GUCY2F: variants seen among roughly 807,000 people sequenced by gnomAD.
GUCY2F encodes the protein guanylate cyclase 2F, retinal.
A neutral mutation model predicts 73.1 loss-of-function variants in GUCY2F; 61 were observed. The observed-to-expected ratio is 0.83, with a 90% CI of 0.68 to 1.03. The LOEUF is 1.03. Ranked by LOEUF, GUCY2F falls within the 50% of genes least tolerant of loss-of-function variation. GUCY2F has a pLI of 0.00. For missense variants in GUCY2F, 912 were observed against 854.3 expected, an observed-to-expected ratio of 1.07 and a Z score of -0.84; for synonymous variants, 331 against 307.8, an observed-to-expected ratio of 1.08 and a Z score of -0.79.
At chrX:109,408,614 G>A (rs1163191980) in intron 9 of GUCY2F, among the ~76,000 whole-genome samples, 1 of 112,274 alleles carries the variant, frequency 8.9e-6, no homozygotes, top group East Asian at 2.8e-4. Context: ...GGACCCGGGG[G>A]AGGTAATTGA....
At chrX:109,378,187 G>A (rs767918517) in intron 17 of GUCY2F, among the ~76,000 whole-genome samples, 57 of 111,585 alleles carry the variant, frequency 5.1e-4, no homozygotes, top group Non-Finnish European at 2.8e-4. Context: ...AATCTGGAAT[G>A]TAGGTTAATT....
chrX:109,435,286 A>G (rs1335425584), intron 7 of GUCY2F, among the ~76,000 whole-genome samples: 1 of 108,158 alleles, frequency 9.2e-6, no homozygotes, highest in Non-Finnish European at 1.9e-5. Context: ...ATTTGTTTGT[A>G]TCCTCTTTTA....
At chrX:109,477,604 C>T (rs1035297502) in intron 1 of GUCY2F, among the ~76,000 whole-genome samples, 6 of 112,049 alleles carry the variant, frequency 5.4e-5, no homozygotes, top group Non-Finnish European at 1.1e-4. Context: ...ACCCTGAGAC[C>T]CCACAACACT....
At chrX:109,410,246 C>G (rs1369010360) in intron 8 of GUCY2F, among the ~76,000 whole-genome samples, 1 of 112,234 alleles carries the variant, frequency 8.9e-6, no homozygotes, top group Non-Finnish European at 1.9e-5. Context: ...AGAGGGATCT[C>G]TTTTAGCATA....
At chrX:109,449,043 T>G (rs765309887) in intron 5 of GUCY2F, among the ~76,000 whole-genome samples, 1 of 111,776 alleles carries the variant, frequency 8.9e-6, no homozygotes, top group East Asian at 2.8e-4. Flanking sequence ...GATTAGTCGG[T>G]ATGCTCGTTT....
chrX:109,374,960 C>G (rs2032731084), intron 19 of GUCY2F, among the ~76,000 whole-genome samples: 2 of 111,514 alleles, frequency 1.8e-5, no homozygotes, highest in Non-Finnish European at 3.8e-5. Flanking sequence ...CATCAGAGGC[C>G]AGTGGGAGAA....
intron 3 of GUCY2F, among the ~76,000 whole-genome samples, chrX:109,460,827 A>C (rs938628164): frequency 5.4e-5 from 6 of 112,142 alleles, no homozygotes; most frequent in African/African-American, 1.9e-4. Context: ...AATGAAATTC[A>C]TAAGGTATTT....
intron 2 of GUCY2F, among the ~76,000 whole-genome samples, chrX:109,471,438 G>T (rs780141504): frequency 2.9e-4 from 33 of 112,385 alleles, no homozygotes; most frequent in Non-Finnish European, 5.4e-4. Context: ...CAACCCTACA[G>T]GTGCCCTGCT....
chrX:109,407,114 A>G (rs1036266959), intron 9 of GUCY2F, among the ~76,000 whole-genome samples: 1 of 112,297 alleles, frequency 8.9e-6, no homozygotes, highest in African/African-American at 3.2e-5. Flanking sequence ...ACTCTCCTAG[A>G]GACTTGTTGA....
At chrX:109,449,610 ATCC>A (rs1932095343) in intron 5 of GUCY2F, among the ~76,000 whole-genome samples, 1 of 112,174 alleles carries the variant, frequency 8.9e-6, no homozygotes, top group Non-Finnish European at 1.9e-5. Context: ...TAAATAATTT[ATCC>A]TCTTCATGGC....
At position 109,392,869 on chromosome X, in the gene GUCY2F, A is replaced by G. The variant is rs199509239; in HGVS notation, c.2588+23T>C. The G allele has an allele frequency of 4.0e-5, 41 of 1,029,254 alleles. No homozygotes were observed. The East Asian group carries it at 1.2e-3, about 30-fold the overall frequency. 84.8% of individuals were successfully genotyped at this position (1,029,254 alleles called of 1,213,427 possible). On this transcript the variant is annotated intron_variant, in intron 13 of 19. Transcript: ENST00000218006. ...AGAACACACTGTTATAAGGATTCAC[A>G]CTCCTCAGGTGTTCTCACATACGGT... is the stretch of plus-strand genomic sequence containing the variant.
chrX:109,460,844 C>T (rs1295096158), intron 3 of GUCY2F, among the ~76,000 whole-genome samples: 2 of 111,801 alleles, frequency 1.8e-5, no homozygotes, highest in East Asian at 5.6e-4. Flanking sequence ...ATTTAATAGG[C>T]TTTACTATGC....
At chrX:109,466,355 G>C (rs1279963166) in intron 2 of GUCY2F, among the ~76,000 whole-genome samples, 1 of 111,454 alleles carries the variant, frequency 9.0e-6, no homozygotes, top group African/African-American at 3.3e-5. Flanking sequence ...GACGTACTCT[G>C]TGTAATATTA....
chrX:109,409,171 G>GGAAATGAGAGACA lies in GUCY2F; in HGVS notation c.1792-16_1792-4dup, dbSNP rs1373929155. 9.6e-7 allele frequency: 1 copy of GGAAATGAGAGACA among 1,041,703 alleles called. No individual in the cohort carries two copies. The highest frequency in any genetic ancestry group is 1.3e-6 in the Non-Finnish European group (1 of 745,012). 85.8% of individuals were successfully genotyped at this position (1,041,703 alleles called of 1,213,427 possible). On this transcript the variant is annotated splice_region_variant and splice_polypyrimidine_tract_variant and intron_variant, in intron 8 of 19. Coordinates refer to ENST00000218006, the MANE Select transcript of GUCY2F (RefSeq NM_001522.3). Reference sequence around the variant, plus strand: ...TTCTCATGACGCAAGTCCTTCATCTGGAAATGAGAGACAGAAATGAGAGTC... The same window carrying GGAAATGAGAGACA: ...TTCTCATGACGCAAGTCCTTCATCTGGAAATGAGAGACAGAAATGAGAGACAGAAATGAGAGTC...
At chrX:109,395,993 C>G (rs749657548) in intron 11 of GUCY2F, among the ~76,000 whole-genome samples, 1 of 112,538 alleles carries the variant, frequency 8.9e-6, no homozygotes, top group South Asian at 3.7e-4. Context: ...ATGAACTCCA[C>G]TTCCAGTGGA....
chrX:109,454,999 A>G (rs1932228862), intron 3 of GUCY2F, among the ~76,000 whole-genome samples: 1 of 111,987 alleles, frequency 8.9e-6, no homozygotes, highest in South Asian at 3.7e-4. Flanking sequence ...ATTAGAAATA[A>G]AAGTCAAGAT....
intron 3 of GUCY2F, among the ~76,000 whole-genome samples, chrX:109,463,690 G>A (rs1264439170): frequency 9.0e-6 from 1 of 111,312 alleles, no homozygotes; most frequent in Non-Finnish European, 1.9e-5. Context: ...ACCCGCCTCA[G>A]CCTCCCAAAG....
At chrX:109,394,999 G>T (rs187544798) in intron 12 of GUCY2F, among the ~76,000 whole-genome samples, 56 of 112,147 alleles carry the variant, frequency 5.0e-4, no homozygotes, top group African/African-American at 1.7e-3. Flanking sequence ...TCTATTCCAT[G>T]ATACCCATCA....
At chrX:109,395,303 G>C (rs377039980) in intron 12 of GUCY2F, 38 bp downstream of exon 12, 5 of 1,154,207 alleles carry the variant, frequency 4.3e-6, no homozygotes, top group Non-Finnish European at 4.7e-6. Flanking sequence ...CTGACTTCAG[G>C]AAGGCTCCTG....
Sources: gnomAD v4.1 joint callset for allele counts (sites outside exome capture counted in the v4.1 genomes callset) on GRCh38, gnomAD v4.1.1 for gene constraint, MANE v1.5 for transcripts, NCBI Gene and HGNC (gene_info 2026-07-23, HGNC 2026-07-21) for gene names.